Variants in APBB2 observed in about 807,000 individuals in gnomAD.
APBB2 encodes amyloid beta precursor protein binding family B member 2.
APBB2 carries 38 observed loss-of-function variants against 82.5 expected under a neutral mutation model. That is an observed-to-expected ratio of 0.46 (90% confidence interval 0.36 to 0.60). The LOEUF is 0.60. Ranked by LOEUF, APBB2 falls within the 20% of genes least tolerant of loss-of-function variation. The probability of loss-of-function intolerance (pLI) is 0.00; values close to 1 mark genes in which losing one functional copy is unlikely to be tolerated. For missense variants in APBB2, 772 were observed against 972.3 expected (o/e 0.79, Z 2.74); for synonymous variants, 341 against 368.2 (o/e 0.93, Z 0.85).
chr4:40,924,944 C>T (rs935261577), intron 10 of APBB2, among the ~76,000 whole-genome samples: 1 of 152,182 alleles, frequency 6.6e-6, no homozygotes, highest in Admixed American at 6.5e-5. Flanking sequence ...ATTTACATAT[C>T]AAATCATTTT....
At chr4:41,169,623 C>T (rs1767692161) in intron 1 of APBB2, among the ~76,000 whole-genome samples, 1 of 152,136 alleles carries the variant, frequency 6.6e-6, no homozygotes, top group South Asian at 2.1e-4. Flanking sequence ...GGAAAAATGA[C>T]AATTTAGAGG....
rs1357165973 is a variant in APBB2 at position 40,832,840 on chromosome 4, G to C, written c.1530-2263C>G. 6.6e-6 allele frequency among the ~76,000 whole-genome samples: 1 copy of C among 152,166 alleles called. No homozygotes were observed. The highest frequency in any genetic ancestry group is 1.5e-5 in the Non-Finnish European group (1 of 68,030). Reference sequence around the variant, plus strand: ...CTAGTTCAGGCCTGGCGTATCACCGGTACTAATACATGTTTGCGGGCTGAG... The same window carrying C: ...CTAGTTCAGGCCTGGCGTATCACCGCTACTAATACATGTTTGCGGGCTGAG... On this transcript the variant is annotated intron_variant, in intron 12 of 17. Transcript: ENST00000508593. The surrounding 1 kb of genome is among the most constrained non-coding windows in gnomAD (Gnocchi z 4.8).
rs1211327299 is a variant in APBB2 at position 41,127,206 on chromosome 4, T to C, written c.-261+15781A>G. ...AAAAAGCAACATATCTTTTTCACTGTCTTTATGAAATACTTCATAAAGACA... is the reference window on the plus strand; with the variant it reads ...AAAAAGCAACATATCTTTTTCACTGCCTTTATGAAATACTTCATAAAGACA... On this transcript the variant is annotated intron_variant, in intron 2 of 17. Transcript: ENST00000508593. This position sits in a 1 kb window ranked among gnomAD's most constrained non-coding sequence, Gnocchi z 4.8. Among the ~76,000 whole-genome samples the C allele has an allele frequency of 6.6e-6, 1 of 151,988 alleles. No individual in the cohort carries two copies. Among genetic ancestry groups the C allele is most frequent in the Non-Finnish European group, 1.5e-5 (1 of 67,980 alleles).
At chr4:40,862,391 C>A (rs1327738259) in intron 12 of APBB2, among the ~76,000 whole-genome samples, 1 of 152,186 alleles carries the variant, frequency 6.6e-6, no homozygotes, top group Non-Finnish European at 1.5e-5. Flanking sequence ...AATGTGGAAG[C>A]CACTTCAAAA....
chr4:40,904,686 T>C (rs79054610), intron 10 of APBB2, among the ~76,000 whole-genome samples: 2 of 134,744 alleles, frequency 1.5e-5, no homozygotes, highest in Non-Finnish European at 3.0e-5. Context: ...TGTTATTGCT[T>C]TTTTTTTTTT....
chr4:41,145,751 A>G (rs1478376202), intron 1 of APBB2, among the ~76,000 whole-genome samples: 1 of 152,212 alleles, frequency 6.6e-6, no homozygotes, highest in Non-Finnish European at 1.5e-5. Context: ...CAACAAGATA[A>G]AACTACACTT....
At chr4:40,962,083 C>A (rs1793448039) in intron 6 of APBB2, among the ~76,000 whole-genome samples, 1 of 152,136 alleles carries the variant, frequency 6.6e-6, no homozygotes, top group African/African-American at 2.4e-5. Context: ...AATTAGCTGC[C>A]ACACACCTGT....
At chr4:41,168,569 T>C (rs1166261032) in intron 1 of APBB2, among the ~76,000 whole-genome samples, 2 of 152,054 alleles carry the variant, frequency 1.3e-5, no homozygotes, top group African/African-American at 4.8e-5. Flanking sequence ...TAGTAATTCG[T>C]TTTCCTAGAA....
In APBB2 at chr4:40,893,255, T is replaced by G. The variant is rs767809021; in HGVS notation, c.1401+10A>C. On this transcript the variant is annotated intron_variant, in intron 11 of 17. Transcript: ENST00000508593. Reference sequence around the variant, plus strand: ...ACAGCCTGCCGTGCATCATTCTACATGCCACTTACCTCTCCCCAAATCCCG... The same window carrying G: ...ACAGCCTGCCGTGCATCATTCTACAGGCCACTTACCTCTCCCCAAATCCCG... The G allele has an allele frequency of 6.2e-7, 1 of 1,612,344 alleles. No homozygotes were observed. The highest frequency in any genetic ancestry group is 8.5e-7 in the Non-Finnish European group (1 of 1,179,282).
intron 3 of APBB2, among the ~76,000 whole-genome samples, chr4:41,073,121 A>T (rs1734432218): frequency 6.6e-6 from 1 of 152,150 alleles, no homozygotes; most frequent in African/African-American, 2.4e-5. Context: ...AGTAGTTTCT[A>T]TCCAACTTTC....
chr4:41,078,078 T>C (rs1345641670), intron 3 of APBB2, among the ~76,000 whole-genome samples: 1 of 152,138 alleles, frequency 6.6e-6, no homozygotes, highest in Admixed American at 6.5e-5. Flanking sequence ...TGAAAAATAT[T>C]TACAGTGAAA....
intron 6 of APBB2, among the ~76,000 whole-genome samples, chr4:41,012,334 C>G (rs2154428553): frequency 6.6e-6 from 1 of 152,250 alleles, no homozygotes; most frequent in South Asian, 2.1e-4. Flanking sequence ...ATTCAAACTC[C>G]AGCAGGTGAC....
chr4:40,906,528 C>T (rs1408097353), intron 10 of APBB2, among the ~76,000 whole-genome samples: 1 of 150,592 alleles, frequency 6.6e-6, no homozygotes, highest in Non-Finnish European at 1.5e-5. Context: ...AAAATTCCCA[C>T]CAGTACTTAG....
At chr4:41,170,435 A>G (rs1428314281) in intron 1 of APBB2, among the ~76,000 whole-genome samples, 1 of 152,212 alleles carries the variant, frequency 6.6e-6, no homozygotes, top group African/African-American at 2.4e-5. Flanking sequence ...CAAACAAAGA[A>G]GGGTGATATG....
intron 10 of APBB2, among the ~76,000 whole-genome samples, chr4:40,920,980 A>T (rs1781108136): frequency 1.3e-5 from 2 of 152,204 alleles, no homozygotes; most frequent in African/African-American, 4.8e-5. Flanking sequence ...CCTGGGTTCA[A>T]ATCTCAGCTC....
chr4:41,169,183 CAAAAAAA>C (rs60032221), intron 1 of APBB2, among the ~76,000 whole-genome samples: 2 of 60,726 alleles, frequency 3.3e-5, no homozygotes, highest in African/African-American at 5.6e-5. Flanking sequence ...CACTCCGTCT[CAAAAAAA>C]AAAAAAAAAA....
chr4:41,158,872 G>GGA (rs1461269356), intron 1 of APBB2, among the ~76,000 whole-genome samples: 1 of 152,162 alleles, frequency 6.6e-6, no homozygotes, highest in African/African-American at 2.4e-5. Context: ...AGGAAACTGA[G>GGA]GAGCAGAGAG....
intron 5 of APBB2, among the ~76,000 whole-genome samples, chr4:41,030,071 AC>A (rs1209279919): frequency 6.6e-6 from 1 of 152,078 alleles, no homozygotes; most frequent in African/African-American, 2.4e-5. Context: ...CAGGAGAATC[AC>A]TTGAACCCGG....
At position 40,982,266 on chromosome 4, in the gene APBB2, GA is replaced by G. The variant is rs1337560602; in HGVS notation, c.835+31316del. On this transcript the variant is annotated intron_variant, in intron 6 of 17. Coordinates refer to ENST00000508593, the MANE Select transcript of APBB2 (RefSeq NM_004307.2). ...AGAAAGAAAGAAAGAAAGAAAGAAA[GA>G]AAGAAAGAAAGAAAGAAGGAAGGAA... is the stretch of plus-strand genomic sequence containing the variant. Among the ~76,000 whole-genome samples the G allele has an allele frequency of 1.3e-4, 4 of 31,736 alleles. 1 individual carries two copies. In the South Asian group the frequency reaches 4.2e-3, roughly 33 times the overall value. 20.8% of individuals were successfully genotyped at this position (31,736 alleles called of 152,430 possible).
Sources: allele counts gnomAD v4.1 joint callset (sites outside exome capture counted in the v4.1 genomes callset), GRCh38; gene constraint gnomAD v4.1.1; non-coding constraint Gnocchi (gnomAD v3.1); transcripts MANE v1.5; gene names NCBI Gene and HGNC (gene_info 2026-07-23, HGNC 2026-07-21).